Variants in CREBRF observed in about 807,000 individuals in gnomAD.
The protein encoded by CREBRF is UPF0474 protein C5orf41.
A neutral mutation model predicts 66.1 loss-of-function variants in CREBRF; 5 were observed. The observed-to-expected ratio is 0.08, with a 90% confidence interval of 0.04 to 0.16. The LOEUF is 0.16. Ranked by LOEUF, CREBRF falls within the 10% of genes least tolerant of loss-of-function variation. The pLI, the probability that CREBRF is intolerant of heterozygous loss-of-function variation, is 1.00. For synonymous variants in CREBRF, 229 were observed against 264.4 expected (o/e 0.87, Z 1.30); for missense variants, 531 against 744.9 (o/e 0.71, Z 3.34).
At chr5:173,103,958 TGAAAA>T (rs778385509) in intron 4 of CREBRF, among the ~76,000 whole-genome samples, 6 of 152,136 alleles carry the variant, frequency 3.9e-5, no homozygotes, top group African/African-American at 9.7e-5. Flanking sequence ...ATCTATCACA[TGAAAA>T]GAAAAGGGAA....
Position 173,090,499 on chromosome 5 carries a change from G to C in CREBRF, c.320G>C (p.Cys107Ser). The change falls in exon 4 of 9, where the codon TGT (cysteine) becomes TCT (serine). Residue 107 changes from cysteine to serine, a missense_variant. By Grantham distance (112) the Cys-to-Ser change is moderately radical. This residue lies in a region of CREBRF where 133 missense variants were observed against 215.6 expected (regional missense o/e 0.62). Transcript: ENST00000296953. This position sits in a 1 kb window ranked among gnomAD's most constrained non-coding sequence, Gnocchi z 4.5. ...DLTKYTKLTS[C>S]DIWGTKEVDY... ...ACGAAATATACCAAACTAACCAGCTGTGACATCTGGGGAACAAAAGAAGTG... is the reference window on the plus strand; with the variant it reads ...ACGAAATATACCAAACTAACCAGCTCTGACATCTGGGGAACAAAAGAAGTG... 6.2e-7 allele frequency: 1 copy of C among 1,613,448 alleles called. No individual in the cohort carries two copies. Among genetic ancestry groups the C allele is most frequent in the Non-Finnish European group, 8.5e-7 (1 of 1,179,372 alleles).
chr5:173,100,116 G>GTATATA (rs1301144325), intron 4 of CREBRF, among the ~76,000 whole-genome samples: 1 of 111,494 alleles, frequency 9.0e-6, no homozygotes, highest in Non-Finnish European at 1.7e-5. Context: ...GTGTGTGTGT[G>GTATATA]TGTATATATA....
intron 7 of CREBRF, among the ~76,000 whole-genome samples, chr5:173,115,699 G>A (rs1034370900): frequency 6.6e-6 from 1 of 151,964 alleles, no homozygotes; most frequent in African/African-American, 2.4e-5. Flanking sequence ...GTGCAGTGGT[G>A]CAATCTCAGC....
In CREBRF at chr5:173,090,929, C is replaced by G. The variant is rs751206231; in HGVS notation, c.750C>G (p.Pro250=). ...TCAACCCAGTGCAACAGAGCCGGCC[C>G]TTGTTGAGCCAGATTCACACAGATG... is the stretch of plus-strand genomic sequence containing the variant. The part of the protein sequence containing the change: ...VKINPVQQSR[P]LLSQIHTDAA... Residue 250 remains proline, a synonymous_variant, in exon 4 of 9, where the codon CCC becomes CCG. Transcript: ENST00000296953. This position sits in a 1 kb window ranked among gnomAD's most constrained non-coding sequence, Gnocchi z 4.5. 2.3e-5 allele frequency: 37 copies of G among 1,614,070 alleles called. No homozygotes were observed. The highest frequency in any genetic ancestry group is 3.1e-5 in the Non-Finnish European group (37 of 1,180,050).
intron 7 of CREBRF, 42 bp from the exon 8 acceptor site, chr5:173,123,038 C>T: frequency 6.5e-7 from 1 of 1,538,064 alleles, no homozygotes; most frequent in African/African-American, 1.4e-5. Context: ...GAAAGTCTTT[C>T]ATGGTAGTGA....
At chr5:173,105,519 G>A (rs896991796) in intron 4 of CREBRF, among the ~76,000 whole-genome samples, 1 of 151,954 alleles carries the variant, frequency 6.6e-6, no homozygotes, top group Non-Finnish European at 1.5e-5. Flanking sequence ...TGCCCAGGTT[G>A]GAGTGCAGTG....
intron 2 of CREBRF, among the ~76,000 whole-genome samples, chr5:173,082,044 C>T (rs909759284): frequency 2.2e-5 from 2 of 91,182 alleles, no homozygotes; most frequent in African/African-American, 3.8e-5. Flanking sequence ...GCTGGAGTCT[C>T]ACTCTGTTGC....
At chr5:173,074,906 C>T (rs1731444165) in intron 1 of CREBRF, among the ~76,000 whole-genome samples, 1 of 152,140 alleles carries the variant, frequency 6.6e-6, no homozygotes, top group Non-Finnish European at 1.5e-5. Context: ...CAGGCATGAG[C>T]CACCGTGCCT....
In CREBRF at chr5:173,090,672, C is replaced by G. The variant is rs1758298238; in HGVS notation, c.493C>G (p.Gln165Glu). 6.2e-7 allele frequency: 1 copy of G among 1,614,026 alleles called. No individual in the cohort carries two copies. The highest frequency in any genetic ancestry group is 8.5e-7 in the Non-Finnish European group (1 of 1,180,030). ...YYPDSLFSVK[Q>E]NPLPSSFPGK... Reference sequence around the variant, plus strand: ...CCCCGATTCACTTTTCAGTGTCAAACAAAATCCCTTACCCTCTTCATTCCC... The same window carrying G: ...CCCCGATTCACTTTTCAGTGTCAAAGAAAATCCCTTACCCTCTTCATTCCC... Residue 165 changes from glutamine to glutamate, a missense_variant, in exon 4 of 9, where the codon CAA becomes GAA. Transcript: ENST00000296953. This position sits in a 1 kb window ranked among gnomAD's most constrained non-coding sequence, Gnocchi z 4.5.
chr5:173,058,210 A>G (rs183506504), intron 1 of CREBRF, among the ~76,000 whole-genome samples: 3 of 152,310 alleles, frequency 2.0e-5, no homozygotes, highest in Non-Finnish European at 1.5e-5. Context: ...ACTTATTTTA[A>G]TCTAATTGTA....
chr5:173,075,840 A>G (rs1338214998), intron 1 of CREBRF, among the ~76,000 whole-genome samples: 1 of 150,574 alleles, frequency 6.6e-6, no homozygotes, highest in African/African-American at 2.5e-5. Context: ...CCTCCTGCCT[A>G]CTTCCCTGCC....
intron 5 of CREBRF, chr5:173,109,971 G>A (rs1758836082): frequency 5.9e-6 from 1 of 170,694 alleles, no homozygotes; most frequent in South Asian, 1.4e-4. Flanking sequence ...GATAGACCAA[G>A]ACCCCTTGAG....
intron 4 of CREBRF, among the ~76,000 whole-genome samples, chr5:173,097,829 ACT>A (rs1214753791): frequency 6.6e-6 from 1 of 151,658 alleles, no homozygotes; most frequent in Non-Finnish European, 1.5e-5. Flanking sequence ...TCAACAAAAA[ACT>A]CTTCATTGAT....
chr5:173,105,255 G>C (rs867297422), intron 4 of CREBRF, among the ~76,000 whole-genome samples: 2 of 146,946 alleles, frequency 1.4e-5, no homozygotes, highest in Non-Finnish European at 3.0e-5. Flanking sequence ...GTGTGTGTGT[G>C]TACACACACA....
At chr5:173,082,976 C>T (rs931146347) in intron 2 of CREBRF, among the ~76,000 whole-genome samples, 1 of 141,094 alleles carries the variant, frequency 7.1e-6, no homozygotes, top group Non-Finnish European at 1.5e-5. Flanking sequence ...CCTGTAATCC[C>T]AGCACTTTGG....
intron 7 of CREBRF, among the ~76,000 whole-genome samples, chr5:173,117,579 C>CTCCTTCCTTCCTTCCT (rs1186370279): frequency 1.8e-3 from 72 of 39,554 alleles, no homozygotes; most frequent in Admixed American, 3.0e-3. Context: ...CCCTCCCTCC[C>CTCCTTCCTTCCTTCCT]TCCTTCCTTC....
intron 7 of CREBRF, among the ~76,000 whole-genome samples, chr5:173,116,231 A>G (rs562639685): frequency 6.6e-6 from 1 of 152,356 alleles, no homozygotes; most frequent in South Asian, 2.1e-4. Flanking sequence ...TTTTCCTTAC[A>G]GCTTTACCGA....
At chr5:173,095,051 A>C (rs1758443380) in intron 4 of CREBRF, among the ~76,000 whole-genome samples, 1 of 151,712 alleles carries the variant, frequency 6.6e-6, no homozygotes, top group Non-Finnish European at 1.5e-5. Context: ...TCCTTTACTT[A>C]TTGTTGTTTC....
chr5:173,106,373 T>G (rs1561810526), intron 4 of CREBRF, among the ~76,000 whole-genome samples: 1 of 150,854 alleles, frequency 6.6e-6, no homozygotes, highest in Non-Finnish European at 1.5e-5. Context: ...GAGCTTGCAG[T>G]GAGCCAAGAT....
Sources: gnomAD v4.1 joint callset for allele counts (sites outside exome capture counted in the v4.1 genomes callset) on GRCh38, gnomAD v4.1.1 for gene constraint, gnomAD v4.1.1 regional missense constraint, Gnocchi (gnomAD v3.1) non-coding constraint, MANE v1.5 for transcripts, NCBI Gene and HGNC (gene_info 2026-07-23, HGNC 2026-07-21) for gene names.